The following EPHA6 variants were observed in gnomAD, a reference collection of about 807,000 sequenced individuals.
The protein encoded by EPHA6 is EPH receptor A6.
A neutral mutation model predicts 112.0 loss-of-function variants in EPHA6; 50 were observed. That is an observed-to-expected ratio of 0.45 (90% confidence interval 0.36 to 0.56). The LOEUF (loss-of-function observed/expected upper bound fraction) is 0.56, where lower values mean the gene tolerates loss of function less well. EPHA6 is among the 20% of genes least tolerant of loss of function. The probability of loss-of-function intolerance (pLI) is 0.00; values close to 1 mark genes in which losing one functional copy is unlikely to be tolerated. For synonymous variants in EPHA6, 529 were observed against 490.7 expected (o/e 1.08, Z -1.03); for missense variants, 1,280 against 1,417.4 (o/e 0.90, Z 1.56).
Position 96,930,664 on chromosome 3 carries a change from C to T in EPHA6, c.451-56666C>T, listed in dbSNP as rs1459106860. On this transcript the variant is annotated intron_variant, in intron 2 of 17. Coordinates refer to ENST00000389672, the MANE Select transcript of EPHA6 (RefSeq NM_001080448.3). ...GAGACCCGAACTGGGAGGCCTCACCCAGTCAAGGGGAACAGGGTCAGTAAC... is the reference window on the plus strand; with the variant it reads ...GAGACCCGAACTGGGAGGCCTCACCTAGTCAAGGGGAACAGGGTCAGTAAC... Among the ~76,000 whole-genome samples, 6 of 152,132 alleles carry T rather than the reference C, an allele frequency of 3.9e-5. No homozygotes were observed. In the East Asian group the frequency reaches 1.2e-3, roughly 30 times the overall value.
intron 5 of EPHA6, among the ~76,000 whole-genome samples, chr3:97,370,044 C>G (rs1009521902): frequency 2.0e-5 from 3 of 152,156 alleles, no homozygotes; most frequent in Admixed American, 6.6e-5. Context: ...TGATCTACCT[C>G]TGCCCTACAA....
intron 12 of EPHA6, among the ~76,000 whole-genome samples, chr3:97,596,761 T>G (rs2093594429): frequency 8.3e-6 from 1 of 120,474 alleles, no homozygotes; most frequent in Non-Finnish European, 1.6e-5. Flanking sequence ...TTTTTACTAA[T>G]GAAGTAACTC....
chr3:96,963,846 A>G (rs2042030612), intron 2 of EPHA6, among the ~76,000 whole-genome samples: 1 of 152,194 alleles, frequency 6.6e-6, no homozygotes, highest in South Asian at 2.1e-4. Context: ...TATATTTCAA[A>G]GATGCTATAA....
chr3:97,428,829 G>T (rs1421247325), intron 6 of EPHA6, among the ~76,000 whole-genome samples: 2 of 152,108 alleles, frequency 1.3e-5, no homozygotes, highest in Non-Finnish European at 2.9e-5. Flanking sequence ...GCTCAAAAGA[G>T]CAGTCTCCTC....
At chr3:97,634,000 T>G (rs1187505577) in intron 13 of EPHA6, among the ~76,000 whole-genome samples, 5 of 152,104 alleles carry the variant, frequency 3.3e-5, no homozygotes, top group African/African-American at 9.7e-5. Flanking sequence ...AGTCTTTATA[T>G]GTTGCTTTAT....
At chr3:97,119,479 A>C (rs1000444722) in intron 3 of EPHA6, among the ~76,000 whole-genome samples, 1 of 151,976 alleles carries the variant, frequency 6.6e-6, no homozygotes, top group African/African-American at 2.4e-5. Flanking sequence ...AAGCAATAAA[A>C]AGCTGAGCAC....
intron 3 of EPHA6, among the ~76,000 whole-genome samples, chr3:97,181,068 C>T (rs2076975178): frequency 6.6e-6 from 1 of 152,086 alleles, no homozygotes; most frequent in South Asian, 2.1e-4. Flanking sequence ...TTCGATTTCC[C>T]TCTGGCTGGT....
At chr3:97,100,264 T>G (rs927088550) in intron 3 of EPHA6, among the ~76,000 whole-genome samples, 11 of 149,692 alleles carry the variant, frequency 7.3e-5, no homozygotes, top group South Asian at 2.1e-4. Context: ...TTTATATATA[T>G]ATAGATATAT....
chr3:96,849,369 C>G (rs1364122170), intron 1 of EPHA6, among the ~76,000 whole-genome samples: 1 of 151,962 alleles, frequency 6.6e-6, no homozygotes, highest in East Asian at 1.9e-4. Flanking sequence ...AATTTAAAAT[C>G]AAGTTTTACA....
chr3:97,558,571 T>C (rs187117287), intron 11 of EPHA6, among the ~76,000 whole-genome samples: 1 of 152,106 alleles, frequency 6.6e-6, no homozygotes, highest in South Asian at 2.1e-4. Context: ...CTTCTACATA[T>C]ATAATTGTCT....
At chr3:97,684,338 A>C (rs1242623637) in intron 14 of EPHA6, among the ~76,000 whole-genome samples, 1 of 152,150 alleles carries the variant, frequency 6.6e-6, no homozygotes, top group Admixed American at 6.6e-5. Flanking sequence ...AGACCTAGGA[A>C]AAGCTTTAGA....
At chr3:96,960,410 C>T (rs1372245394) in intron 2 of EPHA6, among the ~76,000 whole-genome samples, 5 of 152,098 alleles carry the variant, frequency 3.3e-5, no homozygotes, top group Admixed American at 2.6e-4. Flanking sequence ...TCCCGTTTTG[C>T]CACTTTTGGC....
At chr3:97,211,114 A>G (rs992302581) in intron 3 of EPHA6, among the ~76,000 whole-genome samples, 2 of 152,226 alleles carry the variant, frequency 1.3e-5, no homozygotes, top group Non-Finnish European at 2.9e-5. Context: ...TATAGTCACA[A>G]GCACACTGAT....
intron 5 of EPHA6, among the ~76,000 whole-genome samples, chr3:97,338,332 T>C (rs1404572892): frequency 6.6e-6 from 1 of 152,136 alleles, no homozygotes; most frequent in Non-Finnish European, 1.5e-5. Flanking sequence ...GTAATGTATA[T>C]TGCCCCTAAG....
At chr3:96,836,238 A>T (rs1256542301) in intron 1 of EPHA6, among the ~76,000 whole-genome samples, 1 of 152,134 alleles carries the variant, frequency 6.6e-6, no homozygotes, top group African/African-American at 2.4e-5. Context: ...TTAATATTTA[A>T]CCTGAAGTTT....
At chr3:97,570,591 A>G (rs1202017430) in intron 11 of EPHA6, among the ~76,000 whole-genome samples, 1 of 152,034 alleles carries the variant, frequency 6.6e-6, no homozygotes, top group Non-Finnish European at 1.5e-5. Flanking sequence ...TTAGCTGGGC[A>G]TGGTGGCAGG....
chr3:97,454,236 T>G (rs904432371), intron 7 of EPHA6, among the ~76,000 whole-genome samples: 2 of 151,780 alleles, frequency 1.3e-5, no homozygotes, highest in Admixed American at 6.6e-5. Flanking sequence ...AATATTTTAT[T>G]GTTCAAAGGC....
At chr3:97,134,927 G>A (rs930439066) in intron 3 of EPHA6, among the ~76,000 whole-genome samples, 2 of 152,114 alleles carry the variant, frequency 1.3e-5, no homozygotes, top group Non-Finnish European at 2.9e-5. Flanking sequence ...TTCCCTGGTT[G>A]ATGAAACTCC....
intron 13 of EPHA6, among the ~76,000 whole-genome samples, chr3:97,630,313 A>G (rs759009613): frequency 3.0e-4 from 45 of 152,020 alleles, no homozygotes; most frequent in Non-Finnish European, 6.2e-4. Context: ...AAGATTTTCA[A>G]CTGGGAAGAC....
Sources: gnomAD v4.1 joint callset for allele counts (sites outside exome capture counted in the v4.1 genomes callset) on GRCh38, gnomAD v4.1.1 for gene constraint, MANE v1.5 for transcripts, NCBI Gene and HGNC (gene_info 2026-07-23, HGNC 2026-07-21) for gene names.